Variants in SEC16B observed in about 807,000 individuals in gnomAD.
SEC16B encodes the protein protein transport protein Sec16B.
A neutral mutation model predicts 141.8 loss-of-function variants in SEC16B; 115 were observed. That is an observed-to-expected ratio of 0.81 (90% CI 0.70 to 0.95). The LOEUF (loss-of-function observed/expected upper bound fraction) is 0.95. SEC16B is among the 40% of genes least tolerant of loss of function. SEC16B has a pLI of 0.00. For missense variants in SEC16B, 1,291 were observed against 1,312.3 expected (o/e 0.98, Z 0.25); for synonymous variants, 493 against 492.5 (o/e 1.00, Z -0.01).
chr1:177,948,527 G>A lies in SEC16B; in HGVS notation c.1546-585C>T, dbSNP rs1198927839. ...AGCCAAGTGGCCCAGCTAGGACGAT[G>A]CAGAGGCAGCAGAATTCCACCAGGG... is the stretch of plus-strand genomic sequence containing the variant. On this transcript the variant is annotated intron_variant, in intron 12 of 25. Transcript: ENST00000308284. The A allele has an allele frequency of 2.3e-6, 3 of 1,304,276 alleles. No homozygotes were observed. The East Asian group carries it at 1.7e-4, about 72-fold the overall frequency. The allele number at this position is 1,304,276 out of a possible 1,614,324, so 80.8% of individuals were successfully genotyped here. A position where few individuals can be genotyped will look rare whatever the true frequency, so the allele number is the denominator to read the frequency against.
At chr1:177,936,430 A>C in intron 19 of SEC16B, 65 bp from the exon 20 acceptor site, 1 of 1,376,600 alleles carries the variant, frequency 7.3e-7, no homozygotes, top group Non-Finnish European at 1.0e-6. Context: ...ATCCTGAAGA[A>C]GGGTAACTGG....
chr1:177,973,925 T>C (rs745539237), upstream of SEC16B, among the ~76,000 whole-genome samples: 2 of 151,980 alleles, frequency 1.3e-5, no homozygotes, highest in Non-Finnish European at 2.9e-5. Context: ...GGCTATTCCA[T>C]AAATCAAGCA....
rs1384271073 is a variant in SEC16B at position 177,937,228 on chromosome 1, G to A, written c.2489C>T (p.Thr830Ile). ...CCAGGTCTTACCAGGGCCCAGGTGT[G>A]TCTGCAGCATTTCCTCCCAGACTGT... The part of the protein sequence containing the change: ...GGTVWEEMLQ[T>I]HLGPGENTVS... Residue 830 changes from threonine to isoleucine, a missense_variant, in exon 19 of 26, where the codon ACA becomes ATA. Physicochemically the swap from Thr to Ile is moderately conservative, Grantham distance 89 (BLOSUM62 -1). Coordinates refer to ENST00000308284, the MANE Select transcript of SEC16B (RefSeq NM_033127.4). 2 of 1,612,524 alleles carry A rather than the reference G, an allele frequency of 1.2e-6. No homozygotes were observed. Among genetic ancestry groups the A allele is most frequent in the African/African-American group, 1.3e-5 (1 of 74,874 alleles).
At chr1:177,981,471 A>G (rs956337162) in intron 1 of SEC16B, among the ~76,000 whole-genome samples, 2 of 152,184 alleles carry the variant, frequency 1.3e-5, no homozygotes, top group East Asian at 1.9e-4. Context: ...CAGAATGTCA[A>G]CCTACAGCAG....
chr1:177,959,177 C>A, intron 8 of SEC16B: 1 of 624,622 alleles, frequency 1.6e-6, no homozygotes. Context: ...GAGATTCTCT[C>A]ATGCACCCCC....
chr1:177,942,991 G>C (rs1164315471), intron 15 of SEC16B, among the ~76,000 whole-genome samples: 1 of 152,166 alleles, frequency 6.6e-6, no homozygotes, highest in Non-Finnish European at 1.5e-5. Context: ...CAAGAGATGA[G>C]GGCCGATAGC....
rs765126234 is a variant in SEC16B at position 177,929,935 on chromosome 1, AAAG to A, written c.3112-9_3112-7del. 6.8e-6 allele frequency: 11 copies of A among 1,613,434 alleles called. No homozygotes were observed. The highest frequency in any genetic ancestry group is 2.2e-5 in the East Asian group (1 of 44,892). On this transcript the variant is annotated splice_polypyrimidine_tract_variant and splice_region_variant and intron_variant, in intron 25 of 25. Coordinates refer to ENST00000308284, the MANE Select transcript of SEC16B (RefSeq NM_033127.4). ...AGGCTAGTGGCCGTGGGCAGCTGGA[AAAG>A]AAGAACAAATATTACACTGAGTACA...
rs551254423 is a variant in SEC16B, at chr1:177,944,225, C to G, written c.1881+336G>C. Among the ~76,000 whole-genome samples the G allele has an allele frequency of 7.2e-5, 11 of 152,226 alleles. No homozygotes were observed. The East Asian group carries it at 1.9e-3, about 27-fold the overall frequency. ...CTCCCACAGGACAGCTGCGGAGGCTCAGAAGAAAGGGAGAGCTGTCTGGAG... is the reference window on the plus strand; with the variant it reads ...CTCCCACAGGACAGCTGCGGAGGCTGAGAAGAAAGGGAGAGCTGTCTGGAG... On this transcript the variant is annotated intron_variant, in intron 15 of 25. Transcript: ENST00000308284.
intron 11 of SEC16B, 98 bp from the exon 12 acceptor site, chr1:177,952,093 G>T: frequency 9.6e-7 from 1 of 1,042,202 alleles, no homozygotes; most frequent in Non-Finnish European, 1.4e-6. Context: ...ATTAGATTTT[G>T]GCAGCTTCCT....
chr1:177,940,709 T>G lies in SEC16B; in HGVS notation c.2028A>C (p.Ala676=), dbSNP rs373591114. 6.2e-6 allele frequency: 10 copies of G among 1,612,580 alleles called. No homozygotes were observed. Among genetic ancestry groups the G allele is most frequent in the Non-Finnish European group, 8.5e-6 (10 of 1,179,146 alleles). The change falls in exon 17 of 26, where the codon GCA becomes GCC. Residue 676 remains alanine (A), a synonymous_variant. Transcript: ENST00000308284. The part of the protein sequence containing the change: ...PVLLVELIKL[A]EKLKLSDPLV... ...GAGGATCTGACAGCTTCAGTTTCTC[T>G]GCTAGCTGTGCCAGGTTTCCAGATG...
chr1:177,930,061 C>T (rs1032522906), intron 25 of SEC16B, 132 bp from the exon 26 acceptor site: 36 of 810,196 alleles, frequency 4.4e-5, no homozygotes, highest in African/African-American at 1.2e-4. Context: ...GTTCTAATTG[C>T]GTACCTCCAC....
intron 2 of SEC16B, among the ~76,000 whole-genome samples, chr1:177,967,189 T>C (rs574066475): frequency 6.6e-6 from 1 of 152,306 alleles, no homozygotes; most frequent in East Asian, 1.9e-4. Context: ...TACAGATTAT[T>C]GGTATGCCTG....
chr1:177,963,066 C>T (rs1333463300), intron 5 of SEC16B, among the ~76,000 whole-genome samples: 1 of 151,788 alleles, frequency 6.6e-6, no homozygotes, highest in Non-Finnish European at 1.5e-5. Context: ...CGAGATTGTG[C>T]CACAGCACTC....
At chr1:177,929,969 A>T in intron 25 of SEC16B, 40 bp from the exon 26 acceptor site, 1 of 1,601,724 alleles carries the variant, frequency 6.2e-7, no homozygotes. Flanking sequence ...GTACAGCCCC[A>T]AACATGACTC....
intron 2 of SEC16B, 85 bp downstream of exon 2, chr1:177,967,598 A>G: frequency 7.3e-7 from 1 of 1,361,902 alleles, no homozygotes; most frequent in Non-Finnish European, 9.9e-7. Flanking sequence ...GGGGAGAAAA[A>G]TAAAAGGAAA....
At chr1:177,966,408 A>T (rs952547674) in intron 2 of SEC16B, among the ~76,000 whole-genome samples, 2 of 152,172 alleles carry the variant, frequency 1.3e-5, no homozygotes, top group African/African-American at 4.8e-5. Flanking sequence ...CGTAATTTCC[A>T]TGCTTATCCC....
intron 8 of SEC16B, chr1:177,960,111 A>G (rs994150986): frequency 3.7e-6 from 2 of 540,214 alleles, no homozygotes; most frequent in African/African-American, 1.9e-5. Context: ...CTGGTTTTAG[A>G]TTTCTAAACT....
chr1:177,936,867 G>A (rs148290306), intron 19 of SEC16B, among the ~76,000 whole-genome samples: 208 of 152,312 alleles, frequency 1.4e-3, no homozygotes, highest in Admixed American at 3.7e-3. Flanking sequence ...GCTCTTGAGT[G>A]CAGGATGATT....
At chr1:177,958,419 C>T in intron 9 of SEC16B, 57 bp from the exon 10 acceptor site, 1 of 1,405,152 alleles carries the variant, frequency 7.1e-7, no homozygotes, top group South Asian at 1.6e-5. Context: ...GGCTGGCAGC[C>T]CCAGCTGGAG....
Sources: allele counts gnomAD v4.1 joint callset (sites outside exome capture counted in the v4.1 genomes callset), GRCh38; gene constraint gnomAD v4.1.1; transcripts MANE v1.5; gene names NCBI Gene and HGNC (gene_info 2026-07-23, HGNC 2026-07-21).